Variants in PEX14 observed in about 807,000 individuals in gnomAD.
The protein encoded by PEX14 is peroxisomal biogenesis factor 14.
In PEX14, 15 loss-of-function variants were observed where a neutral mutation model predicts 49.5. That is an observed-to-expected ratio of 0.30 (90% CI 0.20 to 0.47). PEX14 has a LOEUF of 0.47. Ranked by LOEUF, PEX14 falls within the 20% of genes least tolerant of loss-of-function variation. The pLI, the probability that PEX14 is intolerant of heterozygous loss-of-function variation, is 1.00. For synonymous variants in PEX14, 210 were observed against 212.7 expected (o/e 0.99, Z 0.11); for missense variants, 398 against 494.8 (o/e 0.80, Z 1.86).
chr1:10,500,416 T>C (rs1455828516), intron 2 of PEX14, among the ~76,000 whole-genome samples: 1 of 116,636 alleles, frequency 8.6e-6, no homozygotes, highest in East Asian at 2.6e-4. Context: ...AAGAAAAGAA[T>C]AGCTACAGCC....
At chr1:10,619,509 G>T (rs1641531443) in intron 5 of PEX14, among the ~76,000 whole-genome samples, 1 of 151,916 alleles carries the variant, frequency 6.6e-6, no homozygotes, top group South Asian at 2.1e-4. Flanking sequence ...TAGAGATGGG[G>T]TTTCACTGTT....
chr1:10,616,661 T>C (rs1272591255), intron 4 of PEX14, among the ~76,000 whole-genome samples: 1 of 152,038 alleles, frequency 6.6e-6, no homozygotes, highest in Non-Finnish European at 1.5e-5. Flanking sequence ...TCCAGAAAGG[T>C]GTTCGCAGTG....
Position 10,514,349 on chromosome 1 carries a change from C to T in PEX14, c.84+19028C>T, listed in dbSNP as rs1052947642. On this transcript the variant is annotated intron_variant, in intron 2 of 8. Transcript: ENST00000356607. The surrounding 1 kb of genome is among the most constrained non-coding windows in gnomAD (Gnocchi z 4.4). ...GTATGTGCGAGCGCCTGTGTACGCACGTGGTCGTCACCCGCCAGAAAGATG... is the reference window on the plus strand; with the variant it reads ...GTATGTGCGAGCGCCTGTGTACGCATGTGGTCGTCACCCGCCAGAAAGATG... Among the ~76,000 whole-genome samples, 2 of 152,138 alleles carry T rather than the reference C, an allele frequency of 1.3e-5. No homozygotes were observed. Among genetic ancestry groups the T allele is most frequent in the Non-Finnish European group, 2.9e-5 (2 of 68,038 alleles).
At chr1:10,547,651 T>A (rs1639215474) in intron 3 of PEX14, among the ~76,000 whole-genome samples, 1 of 152,138 alleles carries the variant, frequency 6.6e-6, no homozygotes, top group Non-Finnish European at 1.5e-5. Flanking sequence ...GTTAAAACAA[T>A]ATACTGTCAT....
intron 1 of PEX14, among the ~76,000 whole-genome samples, chr1:10,492,155 T>TAC (rs1641485408): frequency 6.6e-6 from 1 of 152,212 alleles, no homozygotes; most frequent in South Asian, 2.1e-4. Flanking sequence ...ACTAAAGGGT[T>TAC]TATGATGAAA....
chr1:10,554,945 T>C (rs1434413973), intron 3 of PEX14, among the ~76,000 whole-genome samples: 1 of 152,092 alleles, frequency 6.6e-6, no homozygotes, highest in African/African-American at 2.4e-5. Context: ...GTACACCTTT[T>C]AAAAATAAAG....
chr1:10,531,573 C>T (rs1014983238), intron 2 of PEX14, among the ~76,000 whole-genome samples: 3 of 151,896 alleles, frequency 2.0e-5, no homozygotes, highest in Non-Finnish European at 2.9e-5. Context: ...GTTTCGGGCC[C>T]GTAGATTATA....
At chr1:10,596,896 C>T (rs1319160071) in intron 3 of PEX14, among the ~76,000 whole-genome samples, 1 of 152,220 alleles carries the variant, frequency 6.6e-6, no homozygotes, top group Non-Finnish European at 1.5e-5. Flanking sequence ...CTGTGAAAAA[C>T]AAGAGCTTGG....
chr1:10,603,180 C>G (rs1281498954), intron 4 of PEX14, among the ~76,000 whole-genome samples: 1 of 152,122 alleles, frequency 6.6e-6, no homozygotes, highest in Non-Finnish European at 1.5e-5. Context: ...AGAGACCTGC[C>G]CAAATAGTAA....
At chr1:10,619,508 G>T (rs1641531381) in intron 5 of PEX14, among the ~76,000 whole-genome samples, 1 of 151,878 alleles carries the variant, frequency 6.6e-6, no homozygotes, top group Non-Finnish European at 1.5e-5. Context: ...GTAGAGATGG[G>T]GTTTCACTGT....
chr1:10,573,648 A>G (rs1640044043), intron 3 of PEX14, among the ~76,000 whole-genome samples: 1 of 152,192 alleles, frequency 6.6e-6, no homozygotes, highest in Non-Finnish European at 1.5e-5. Context: ...TGCATTGATG[A>G]TGAGTGTAGC....
chr1:10,509,738 C>T (rs1234804687), intron 2 of PEX14, among the ~76,000 whole-genome samples: 2 of 152,038 alleles, frequency 1.3e-5, no homozygotes, highest in African/African-American at 4.8e-5. Context: ...TCATTTTTTT[C>T]TTACCTCTTA....
chr1:10,600,783 A>G (rs574958245), intron 4 of PEX14, among the ~76,000 whole-genome samples: 2 of 152,302 alleles, frequency 1.3e-5, no homozygotes, highest in East Asian at 1.9e-4. Flanking sequence ...TGCCTTTTCT[A>G]TAATTGTTAT....
chr1:10,528,634 T>C (rs994581412), intron 2 of PEX14, among the ~76,000 whole-genome samples: 4 of 152,206 alleles, frequency 2.6e-5, no homozygotes, highest in African/African-American at 9.7e-5. Flanking sequence ...TGCTCTCTGC[T>C]TCCTCTTTAA....
chr1:10,572,816 G>A (rs1211631381), intron 3 of PEX14, among the ~76,000 whole-genome samples: 1 of 152,148 alleles, frequency 6.6e-6, no homozygotes, highest in African/African-American at 2.4e-5. Flanking sequence ...GATTACAGGC[G>A]TGAGCTACCG....
chr1:10,515,096 T>C (rs1005395640), intron 2 of PEX14, among the ~76,000 whole-genome samples: 3 of 152,204 alleles, frequency 2.0e-5, no homozygotes, highest in African/African-American at 2.4e-5. Flanking sequence ...GCAGCATGGA[T>C]CTGTGCCAGG....
At chr1:10,500,726 C>T (rs1279577277) in intron 2 of PEX14, among the ~76,000 whole-genome samples, 1 of 152,110 alleles carries the variant, frequency 6.6e-6, no homozygotes, top group Non-Finnish European at 1.5e-5. Flanking sequence ...AGGCGTGCAC[C>T]ACCACGGCCA....
chr1:10,578,105 G>A (rs1420681271), intron 3 of PEX14, among the ~76,000 whole-genome samples: 2 of 152,062 alleles, frequency 1.3e-5, no homozygotes, highest in Non-Finnish European at 2.9e-5. Context: ...ATTGAAGATG[G>A]CAATCATAGA....
At chr1:10,617,820 G>A (rs956543589) in intron 4 of PEX14, among the ~76,000 whole-genome samples, 1 of 152,140 alleles carries the variant, frequency 6.6e-6, no homozygotes, top group Non-Finnish European at 1.5e-5. Context: ...GGGAGGTCTA[G>A]TTTACCACAG....
Sources: gnomAD v4.1 joint callset for allele counts (sites outside exome capture counted in the v4.1 genomes callset) on GRCh38, gnomAD v4.1.1 for gene constraint, Gnocchi (gnomAD v3.1) non-coding constraint, MANE v1.5 for transcripts, NCBI Gene and HGNC (gene_info 2026-07-23, HGNC 2026-07-21) for gene names.